The following SOX6 variants were observed in gnomAD, a reference collection of about 807,000 sequenced individuals.
SOX6 encodes transcription factor SOX-6.
SOX6 carries 11 observed loss-of-function variants against 97.8 expected under a neutral mutation model. That is an observed-to-expected ratio of 0.11 (90% CI 0.07 to 0.19). The LOEUF (loss-of-function observed/expected upper bound fraction) is 0.19. SOX6 is among the 10% of genes least tolerant of loss of function. The pLI, the probability that SOX6 is intolerant of heterozygous loss-of-function variation, is 1.00. For missense variants in SOX6, 810 were observed against 1,039.5 expected, an observed-to-expected ratio of 0.78 and a Z score of 3.04; for synonymous variants, 360 against 371.4, an observed-to-expected ratio of 0.97 and a Z score of 0.35.
At chr11:16,246,964 T>C (rs1853354520) in intron 3 of SOX6, among the ~76,000 whole-genome samples, 1 of 152,104 alleles carries the variant, frequency 6.6e-6, no homozygotes, top group African/African-American at 2.4e-5. Flanking sequence ...CAAATTATCA[T>C]TAACTATAGA....
intron 2 of SOX6, among the ~76,000 whole-genome samples, chr11:16,322,045 T>C (rs1382843838): frequency 1.3e-5 from 2 of 152,182 alleles, no homozygotes; most frequent in African/African-American, 4.8e-5. Context: ...TCTCTGGTTT[T>C]TTTAAGGAGG....
intron 1 of SOX6, among the ~76,000 whole-genome samples, chr11:16,460,646 A>T (rs1166023489): frequency 2.0e-5 from 3 of 152,048 alleles, no homozygotes; most frequent in Non-Finnish European, 2.9e-5. Context: ...TAAGTATAAT[A>T]TTTGCTGCAA....
intron 10 of SOX6, among the ~76,000 whole-genome samples, chr11:16,051,042 T>C (rs762090820): frequency 1.3e-5 from 2 of 151,892 alleles, no homozygotes; most frequent in South Asian, 2.1e-4. Flanking sequence ...TCTTCATCTG[T>C]GAAAAGAGGG....
chr11:16,432,038 C>T (rs1385419696), intron 1 of SOX6, among the ~76,000 whole-genome samples: 1 of 152,000 alleles, frequency 6.6e-6, no homozygotes, highest in Non-Finnish European at 1.5e-5. Context: ...CTTAGCAAAC[C>T]AATCACCACT....
rs72859480 is a variant in SOX6, at chr11:16,583,559, G to T, written n.609+28522C>A. Among the ~76,000 whole-genome samples, 3 of 134,274 alleles carry T rather than the reference G, an allele frequency of 2.2e-5. No individual in the cohort carries two copies. The South Asian group carries it at 7.0e-4, about 31-fold the overall frequency. 88.1% of individuals were successfully genotyped at this position (134,274 alleles called of 152,430 possible). A position where few individuals can be genotyped will look rare whatever the true frequency, so the allele number is the denominator to read the frequency against. ...GAACAGGATTTCATTCTTTTTTATG[G>T]ATGAATAATATTTCATTGTGTATAT... On this transcript the variant is annotated intron_variant and non_coding_transcript_variant, in intron 4 of 5. Coordinates refer to the SOX6 transcript ENST00000524520.
intron 4 of SOX6, among the ~76,000 whole-genome samples, chr11:16,604,850 G>A (rs1295640540): frequency 2.6e-5 from 4 of 152,184 alleles, no homozygotes; most frequent in Non-Finnish European, 5.9e-5. Context: ...AAACAAGCTG[G>A]CGACTGCCAC....
At chr11:16,396,775 C>A (rs1175934315) in intron 1 of SOX6, among the ~76,000 whole-genome samples, 1 of 151,430 alleles carries the variant, frequency 6.6e-6, no homozygotes, top group African/African-American at 2.4e-5. Flanking sequence ...ATATTGACAT[C>A]AAAATTTCTT....
intron 3 of SOX6, among the ~76,000 whole-genome samples, chr11:16,294,485 C>G (rs1045045713): frequency 1.3e-5 from 2 of 152,020 alleles, no homozygotes; most frequent in Non-Finnish European, 2.9e-5. Context: ...TGGTGTGGTA[C>G]ATAGCTCAAT....
At chr11:16,074,985 A>G (rs964029966) in intron 9 of SOX6, among the ~76,000 whole-genome samples, 2 of 152,242 alleles carry the variant, frequency 1.3e-5, no homozygotes, top group African/African-American at 4.8e-5. Context: ...AGGCTACAGT[A>G]ACCAAAACAG....
At chr11:16,661,842 C>G (rs995864207) in intron 3 of SOX6, among the ~76,000 whole-genome samples, 3 of 152,110 alleles carry the variant, frequency 2.0e-5, no homozygotes, top group Non-Finnish European at 2.9e-5. Flanking sequence ...ATTACAGGCT[C>G]TAGTCCTAAT....
chr11:16,429,685 G>A lies in SOX6; in HGVS notation c.-5+46630C>T, dbSNP rs533722659. Among the ~76,000 whole-genome samples, 6 of 152,178 alleles carry A rather than the reference G, an allele frequency of 3.9e-5. No individual in the cohort carries two copies. The South Asian group carries it at 1.3e-3, about 32-fold the overall frequency. ...ACACTGGGGCCTATCAGAGGGTGGA[G>A]GGTAGAAGAAGGGAGAGGATCAGGA... On this transcript the variant is annotated intron_variant, in intron 1 of 15. Transcript: ENST00000396356.
intron 3 of SOX6, among the ~76,000 whole-genome samples, chr11:16,661,600 T>A (rs1847766490): frequency 6.6e-6 from 1 of 152,160 alleles, no homozygotes; most frequent in South Asian, 2.1e-4. Flanking sequence ...AAGGCTGAAG[T>A]ACAGTGGCGG....
intron 3 of SOX6, among the ~76,000 whole-genome samples, chr11:16,678,855 C>T (rs1321179817): frequency 6.6e-6 from 1 of 152,220 alleles, no homozygotes; most frequent in African/African-American, 2.4e-5. Context: ...ACTGCTAGCA[C>T]AGCAGTCTGA....
chr11:15,979,872 T>C (rs1031939281), intron 15 of SOX6, among the ~76,000 whole-genome samples: 2 of 152,106 alleles, frequency 1.3e-5, no homozygotes, highest in African/African-American at 4.8e-5. Flanking sequence ...TTTACTTTGT[T>C]CTAAGGCACC....
chr11:16,140,742 T>C (rs1850111614), intron 6 of SOX6, among the ~76,000 whole-genome samples: 1 of 152,200 alleles, frequency 6.6e-6, no homozygotes, highest in South Asian at 2.1e-4. Flanking sequence ...ACATTTGCAA[T>C]AGATCTTGAC....
At chr11:16,415,029 A>T (rs973788267) in intron 1 of SOX6, among the ~76,000 whole-genome samples, 1 of 152,116 alleles carries the variant, frequency 6.6e-6, no homozygotes, top group Non-Finnish European at 1.5e-5. Context: ...CTTCAAATAC[A>T]TCTGTATTGG....
chr11:16,714,451 C>CTTTTTTTT (rs761435639), intron 3 of SOX6, among the ~76,000 whole-genome samples: 21 of 116,380 alleles, frequency 1.8e-4, no homozygotes, highest in African/African-American at 6.4e-4. Context: ...AATTTTCTTT[C>CTTTTTTTT]TTTTTTTTTT....
At chr11:16,661,803 GC>G (rs1431348587) in intron 3 of SOX6, among the ~76,000 whole-genome samples, 3 of 152,048 alleles carry the variant, frequency 2.0e-5, no homozygotes, top group East Asian at 1.9e-4. Flanking sequence ...TCCCACCTTG[GC>G]CTCCCAAAGG....
intron 14 of SOX6, 129 bp from the exon 15 acceptor site, chr11:15,986,549 T>C (rs1446954057): frequency 2.5e-6 from 2 of 799,820 alleles, no homozygotes; most frequent in Non-Finnish European, 2.1e-6. Flanking sequence ...CACATACCAC[T>C]GGCTGTCCCA....
Sources: gnomAD v4.1 joint callset for allele counts (sites outside exome capture counted in the v4.1 genomes callset) on GRCh38, gnomAD v4.1.1 for gene constraint, MANE v1.5 for transcripts, NCBI Gene and HGNC (gene_info 2026-07-23, HGNC 2026-07-21) for gene names.